CYP4F3: variants seen among roughly 807,000 people sequenced by gnomAD.
CYP4F3 encodes the protein cytochrome P450 family 4 subfamily F member 3, also known as cytochrome P450 4F3.
In CYP4F3, 50 loss-of-function variants were observed where a neutral mutation model predicts 54.8. The ratio of observed to expected loss-of-function variants is 0.91; its 90% CI spans 0.73 to 1.16. CYP4F3 has a LOEUF of 1.16. Ranked by LOEUF, CYP4F3 falls within the 50% of genes most tolerant of loss-of-function variation. CYP4F3 has a pLI of 0.00. For synonymous variants in CYP4F3, 244 were observed against 262.6 expected (o/e 0.93, Z 0.69); for missense variants, 715 against 676.2 (o/e 1.06, Z -0.64).
In CYP4F3 at chr19:15,647,298, T is replaced by C; in HGVS notation, c.499T>C (p.Phe167Leu). The C allele has an allele frequency of 6.2e-7, 1 of 1,614,222 alleles. No homozygotes were observed. The highest frequency in any genetic ancestry group is 1.3e-5 in the African/African-American group (1 of 75,054). The change falls in exon 5 of 13, where the codon TTC becomes CTC. Residue 167 changes from phenylalanine to leucine, a missense_variant. Phe to Leu is a conservative substitution (Grantham distance 22). Transcript: ENST00000221307. ...CATCCTGAAGCCCTATATGAAGATT[T>C]TCAATGAGAGTGTGAACATCATGCA... ...FNILKPYMKI[F>L]NESVNIMHAK...
At position 15,649,958 on chromosome 19, in the gene CYP4F3, T is replaced by C. The variant is rs746700434; in HGVS notation, c.693T>C (p.Leu231=). Residue 231 remains leucine (L), a synonymous_variant, in exon 7 of 13, where the codon CTT becomes CTC. Coordinates refer to ENST00000221307, the MANE Select transcript of CYP4F3 (RefSeq NM_000896.3). ...YIAAILELSA[L]VTKRHQQILL... ...CCGCCATCTTGGAGCTCAGTGCCCT[T>C]GTGACAAAAAGACACCAGCAGATCC... 1 of 1,614,114 alleles carries C rather than the reference T, an allele frequency of 6.2e-7. No homozygotes were observed. Among genetic ancestry groups the C allele is most frequent in the South Asian group, 1.1e-5 (1 of 91,070 alleles).
rs374178611 is a variant in CYP4F3, at chr19:15,658,565, C to G, written c.1314+10C>G. Reference sequence around the variant, plus strand: ...GTGGCCGGACCCTGAGGTGCGGGCCCCCCGTCTCTGTTTTTGTCCATTCCA... The same window carrying G: ...GTGGCCGGACCCTGAGGTGCGGGCCGCCCGTCTCTGTTTTTGTCCATTCCA... On this transcript the variant is annotated intron_variant, in intron 11 of 12. Transcript: ENST00000221307. The G allele has an allele frequency of 4.3e-6, 7 of 1,614,056 alleles. No individual in the cohort carries two copies. Among genetic ancestry groups the G allele is most frequent in the Non-Finnish European group, 5.1e-6 (6 of 1,179,980 alleles).
intron 2 of CYP4F3, among the ~76,000 whole-genome samples, chr19:15,644,664 T>G (rs1330023142): frequency 6.6e-6 from 1 of 152,208 alleles, no homozygotes; most frequent in Non-Finnish European, 1.5e-5. Context: ...GGTCAAGTCC[T>G]TTTACCCCAT....
At chr19:15,650,535 T>C (rs1972764474) in intron 7 of CYP4F3, among the ~76,000 whole-genome samples, 2 of 152,238 alleles carry the variant, frequency 1.3e-5, no homozygotes, top group Non-Finnish European at 2.9e-5. Context: ...TCTCTCTCTA[T>C]GACTATGACT....
At chr19:15,645,292 G>T (rs918573647) in intron 2 of CYP4F3, among the ~76,000 whole-genome samples, 3 of 152,142 alleles carry the variant, frequency 2.0e-5, no homozygotes, top group Admixed American at 6.5e-5. Flanking sequence ...GCCTAGTCTC[G>T]GCAGGCCTGG....
In CYP4F3 at chr19:15,660,044, T is replaced by C. The variant is rs1973147876; in HGVS notation, c.*659T>C. ...CCTAAACATGCTATTACAGCTCATATATACTTTTTCCATCTGGATTCTTCA... is the reference window on the plus strand; with the variant it reads ...CCTAAACATGCTATTACAGCTCATACATACTTTTTCCATCTGGATTCTTCA... On this transcript the variant is annotated 3_prime_UTR_variant, in exon 13 of 13. Coordinates refer to ENST00000221307, the MANE Select transcript of CYP4F3 (RefSeq NM_000896.3). The C allele has an allele frequency of 6.6e-6, 1 of 152,268 alleles. No homozygotes were observed. The highest frequency in any genetic ancestry group is 2.4e-5 in the African/African-American group (1 of 41,478). The allele number at this position is 152,268 out of a possible 1,614,324, so 9.4% of individuals were successfully genotyped here.
At chr19:15,649,113 C>G in intron 5 of CYP4F3, 47 bp from the exon 6 acceptor site, 1 of 1,609,806 alleles carries the variant, frequency 6.2e-7, no homozygotes, top group East Asian at 2.2e-5. Context: ...GAGAGCTGCT[C>G]AAGGGAGCAA....
chr19:15,646,926 A>G (rs1599885102), intron 3 of CYP4F3, 126 bp from the exon 4 acceptor site: 2 of 1,356,630 alleles, frequency 1.5e-6, no homozygotes, highest in Non-Finnish European at 1.0e-6. Context: ...TCTCCCCTTG[A>G]CCCTCTTCTT....
intron 11 of CYP4F3, 28 bp from the exon 12 acceptor site, chr19:15,658,699 C>A (rs971441360): frequency 6.2e-7 from 1 of 1,613,060 alleles, no homozygotes; most frequent in Non-Finnish European, 8.5e-7. Flanking sequence ...AGACCCCACC[C>A]GGCAACCCTT....
At chr19:15,640,980 T>A in intron 1 of CYP4F3, 35 bp downstream of exon 1, 1 of 168,870 alleles carries the variant, frequency 5.9e-6, no homozygotes, top group Non-Finnish European at 1.3e-5. Flanking sequence ...TGGGGCATCC[T>A]AGCCTGTGAT....
At chr19:15,649,886 G>A (rs1294353025) in intron 6 of CYP4F3, 27 bp from the exon 7 acceptor site, 1 of 1,608,712 alleles carries the variant, frequency 6.2e-7, no homozygotes, top group Non-Finnish European at 8.5e-7. Context: ...TTAAATTGTT[G>A]CCTCCCTTTC....
At chr19:15,654,941 C>A (rs1972973297) in intron 9 of CYP4F3, among the ~76,000 whole-genome samples, 1 of 152,096 alleles carries the variant, frequency 6.6e-6, no homozygotes, top group Non-Finnish European at 1.5e-5. Context: ...TCTTGAGGAA[C>A]CTCTGTGCTG....
At position 15,660,486 on chromosome 19, in the gene CYP4F3, C is replaced by A. The variant is rs1973158027; in HGVS notation, c.*1101C>A. 6.6e-6 allele frequency: 1 copy of A among 151,960 alleles called. No homozygotes were observed. Among genetic ancestry groups the A allele is most frequent in the South Asian group, 2.1e-4 (1 of 4,816 alleles). 9.4% of individuals were successfully genotyped at this position (151,960 alleles called of 1,614,324 possible). A position where few individuals can be genotyped will look rare whatever the true frequency, so the allele number is the denominator to read the frequency against. On this transcript the variant is annotated 3_prime_UTR_variant, in exon 13 of 13. Transcript: ENST00000221307. ...GGGAGAAGGTGACATTTTAGCTTTCCCAGGTAAAAGTGGTTTTCATCCTCA... is the reference window on the plus strand; with the variant it reads ...GGGAGAAGGTGACATTTTAGCTTTCACAGGTAAAAGTGGTTTTCATCCTCA...
Position 15,643,898 on chromosome 19 carries a change from T to C in CYP4F3, c.199-1821T>C, listed in dbSNP as rs758125064. ...TGACAGGAGGTGACGGCCCCTGCCT[T>C]GCTTGCAGGTCACCCCCACGGAGCA... On this transcript the variant is annotated intron_variant, in intron 2 of 12. Transcript: ENST00000221307. 6 of 1,554,532 alleles carry C rather than the reference T, an allele frequency of 3.9e-6. No individual in the cohort carries two copies. In the South Asian group the frequency reaches 7.2e-5, roughly 19 times the overall value.
rs558432757 is a variant in CYP4F3 at position 15,650,660 on chromosome 19, T to C, written c.918+477T>C. Among the ~76,000 whole-genome samples the C allele has an allele frequency of 7.0e-3, 251 of 35,640 alleles. 31 individuals are homozygous for C. The highest frequency in any genetic ancestry group is 0.028 in the African/African-American group (213 of 7,540). The allele number at this position is 35,640 out of a possible 152,430, so 23.4% of individuals were successfully genotyped here. On this transcript the variant is annotated intron_variant, in intron 7 of 12. Transcript: ENST00000221307. ...TGCTCTCCCTCCCTCCCTGCCTTCT[T>C]TTTCTTTCTTTCTTTCTTTCTTTCT...
In CYP4F3 at chr19:15,657,912, G is replaced by A. The variant is rs117322835; in HGVS notation, c.1116-352G>A. Among the ~76,000 whole-genome samples the A allele has an allele frequency of 3.7e-3, 564 of 151,932 alleles. 6 individuals are homozygous for A. The highest frequency in any genetic ancestry group is 2.4e-3 in the Non-Finnish European group (160 of 67,958). Reference sequence around the variant, plus strand: ...AAATATTGCCTTTTAACTTTTGGAGGGTACTTTTGATTAATTTTTATGACG... The same window carrying A: ...AAATATTGCCTTTTAACTTTTGGAGAGTACTTTTGATTAATTTTTATGACG... On this transcript the variant is annotated intron_variant, in intron 9 of 12. Transcript: ENST00000221307.
chr19:15,652,654 G>A lies in CYP4F3; in HGVS notation c.985+19G>A, dbSNP rs1340609428. 22 of 1,614,118 alleles carry A rather than the reference G, an allele frequency of 1.4e-5. No individual in the cohort carries two copies. Among genetic ancestry groups the A allele is most frequent in the Non-Finnish European group, 1.9e-5 (22 of 1,179,996 alleles). ...TTTGAGGGTGAGGGCCCCAGTGTGGGGCTAGAGTGGGGACTTGGATATCTC... is the reference window on the plus strand; with the variant it reads ...TTTGAGGGTGAGGGCCCCAGTGTGGAGCTAGAGTGGGGACTTGGATATCTC... On this transcript the variant is annotated intron_variant, in intron 8 of 12. Transcript: ENST00000221307.
rs979674176 is a variant in CYP4F3 at position 15,660,644 on chromosome 19, T to C, written c.*1259T>C. On this transcript the variant is annotated 3_prime_UTR_variant, in exon 13 of 13. Coordinates refer to ENST00000221307, the MANE Select transcript of CYP4F3 (RefSeq NM_000896.3). Reference sequence around the variant, plus strand: ...CCACAGAAGTAATTTTCAAAGTAAGTCTCTGCCCTAGGCACATCAGATCAC... The same window carrying C: ...CCACAGAAGTAATTTTCAAAGTAAGCCTCTGCCCTAGGCACATCAGATCAC... 25 of 152,026 alleles carry C rather than the reference T, an allele frequency of 1.6e-4. No homozygotes were observed. The highest frequency in any genetic ancestry group is 6.0e-4 in the African/African-American group (25 of 41,378). 9.4% of individuals were successfully genotyped at this position (152,026 alleles called of 1,614,324 possible).
At chr19:15,659,129 T>C (rs916339056) in intron 12 of CYP4F3, 91 bp from the exon 13 acceptor site, 3 of 1,383,824 alleles carry the variant, frequency 2.2e-6, no homozygotes, top group Non-Finnish European at 2.9e-6. Context: ...CTGCTCTAGG[T>C]GGGGTTGGGT....
Sources: gnomAD v4.1 joint callset for allele counts (sites outside exome capture counted in the v4.1 genomes callset) on GRCh38, gnomAD v4.1.1 for gene constraint, MANE v1.5 for transcripts, NCBI Gene and HGNC (gene_info 2026-07-23, HGNC 2026-07-21) for gene names.